Variants in PDIA3 observed in about 807,000 individuals in gnomAD.
The protein encoded by PDIA3 is protein disulfide-isomerase A3.
A neutral mutation model predicts 56.9 loss-of-function variants in PDIA3; 16 were observed. The ratio of observed to expected loss-of-function variants is 0.28; its 90% CI spans 0.19 to 0.43. The LOEUF (loss-of-function observed/expected upper bound fraction) is 0.43. Among genes scored for constraint, PDIA3 ranks in the 20% least tolerant of loss-of-function variants. The pLI, the probability that PDIA3 is intolerant of heterozygous loss-of-function variation, is 1.00. For synonymous variants in PDIA3, 192 were observed against 216.5 expected (o/e 0.89, Z 0.99); for missense variants, 485 against 621.3 (o/e 0.78, Z 2.33).
At chr15:43,750,311 T>G (rs974938884) in intron 1 of PDIA3, among the ~76,000 whole-genome samples, 2 of 150,498 alleles carry the variant, frequency 1.3e-5, no homozygotes, top group African/African-American at 4.9e-5. Flanking sequence ...CCACCGTGCC[T>G]GGCTTAGTGA....
intron 2 of PDIA3, among the ~76,000 whole-genome samples, 160 bp downstream of exon 2, chr15:43,754,062 G>A (rs2086761368): frequency 6.6e-6 from 1 of 152,192 alleles, no homozygotes; most frequent in Non-Finnish European, 1.5e-5. Flanking sequence ...GCGAATACTA[G>A]TTTCTGGGCA....
intron 1 of PDIA3, chr15:43,752,781 AT>A: frequency 2.1e-6 from 1 of 470,994 alleles, no homozygotes; most frequent in Non-Finnish European, 4.4e-6. Flanking sequence ...TTATATTTCT[AT>A]TTTTGCTGTC....
At position 43,770,345 on chromosome 15, in the gene PDIA3, C is replaced by G. The variant is rs1346646837; in HGVS notation, c.1346+16C>G. Reference sequence around the variant, plus strand: ...AAGTCAGAGGGTAAGTGGCTTAAAACTTAACAAAAGTGTCTAGGCAATAGA... The same window carrying G: ...AAGTCAGAGGGTAAGTGGCTTAAAAGTTAACAAAAGTGTCTAGGCAATAGA... On this transcript the variant is annotated intron_variant, in intron 11 of 12. Coordinates refer to ENST00000300289, the MANE Select transcript of PDIA3 (RefSeq NM_005313.5). 7.5e-6 allele frequency: 12 copies of G among 1,603,548 alleles called. No homozygotes were observed. The Admixed American group carries it at 2.0e-4, about 27-fold the overall frequency.
At chr15:43,748,035 AG>A (rs1217834402) in intron 1 of PDIA3, among the ~76,000 whole-genome samples, 2 of 152,198 alleles carry the variant, frequency 1.3e-5, no homozygotes, top group Admixed American at 1.3e-4. Flanking sequence ...TCATGCTGTT[AG>A]CTTTGAGGGG....
In PDIA3 at chr15:43,763,190, TATG is replaced by T. The variant is rs1195436997; in HGVS notation, c.592_594del (p.Asp198del). 1 of 1,613,850 alleles carries T rather than the reference TATG, an allele frequency of 6.2e-7. No individual in the cohort carries two copies. Among genetic ancestry groups the T allele is most frequent in the Non-Finnish European group, 8.5e-7 (1 of 1,179,870 alleles). On this transcript the variant is annotated inframe_deletion, in exon 5 of 13. Coordinates refer to ENST00000300289, the MANE Select transcript of PDIA3 (RefSeq NM_005313.5). ...GAATGTTGAGTCTCTGGTGAACGAG[TATG>T]ATGATAATGGAGAGTAAGTGACTGA...
In PDIA3 at chr15:43,770,237, G is replaced by A. The variant is rs757025565; in HGVS notation, c.1267-13G>A. The A allele has an allele frequency of 3.6e-5, 58 of 1,608,318 alleles. No homozygotes were observed. Among genetic ancestry groups the A allele is most frequent in the Non-Finnish European group, 4.8e-5 (56 of 1,174,920 alleles). Reference sequence around the variant, plus strand: ...AACTTGAAATGTAAACATTTAACCTGTTTTATTAACAGCTCAGCAAAGACC... The same window carrying A: ...AACTTGAAATGTAAACATTTAACCTATTTTATTAACAGCTCAGCAAAGACC... On this transcript the variant is annotated splice_polypyrimidine_tract_variant and intron_variant, in intron 10 of 12. Transcript: ENST00000300289.
At chr15:43,759,090 A>G (rs1432604878) in intron 3 of PDIA3, among the ~76,000 whole-genome samples, 1 of 152,188 alleles carries the variant, frequency 6.6e-6, no homozygotes, top group East Asian at 1.9e-4. Context: ...GGAGAGCGAG[A>G]CCATCCTGGC....
chr15:43,754,109 G>A (rs1006677705), intron 2 of PDIA3, among the ~76,000 whole-genome samples: 2 of 152,152 alleles, frequency 1.3e-5, no homozygotes, highest in Non-Finnish European at 2.9e-5. Flanking sequence ...AAGATTAAAA[G>A]TAGTGGCTGG....
At chr15:43,757,213 C>T (rs2086783777) in intron 3 of PDIA3, among the ~76,000 whole-genome samples, 1 of 151,064 alleles carries the variant, frequency 6.6e-6, no homozygotes, top group Non-Finnish European at 1.5e-5. Flanking sequence ...AGGTGAGAGA[C>T]TGTCTTGAGC....
At chr15:43,747,960 G>A (rs1218963921) in intron 1 of PDIA3, among the ~76,000 whole-genome samples, 2 of 152,166 alleles carry the variant, frequency 1.3e-5, no homozygotes. Context: ...TACACATATA[G>A]ATAGTTCTTA....
intron 2 of PDIA3, among the ~76,000 whole-genome samples, 186 bp from the exon 3 acceptor site, chr15:43,756,463 C>G (rs1002110527): frequency 1.3e-5 from 2 of 152,166 alleles, no homozygotes; most frequent in African/African-American, 4.8e-5. Flanking sequence ...TTAAAGAATT[C>G]CTTAGGCAGT....
Position 43,771,378 on chromosome 15 carries a change from T to G in PDIA3, c.*160T>G. The G allele has an allele frequency of 2.0e-6, 1 of 509,928 alleles. No individual in the cohort carries two copies. The highest frequency in any genetic ancestry group is 3.4e-6 in the Non-Finnish European group (1 of 290,252). 31.6% of individuals were successfully genotyped at this position (509,928 alleles called of 1,614,324 possible). ...GTTAAATTTTCTCTAAACTGTTTCT[T>G]AGCTGCACTGTTTATGGAAATACCA... On this transcript the variant is annotated 3_prime_UTR_variant, in exon 13 of 13. Coordinates refer to ENST00000300289, the MANE Select transcript of PDIA3 (RefSeq NM_005313.5).
In PDIA3 at chr15:43,761,657, C is replaced by T. The variant is rs533134830; in HGVS notation, c.472+126C>T. 1.2e-5 allele frequency: 7 copies of T among 585,326 alleles called. No homozygotes were observed. The South Asian group carries it at 1.4e-4, about 12-fold the overall frequency. The allele number at this position is 585,326 out of a possible 1,614,324, so 36.3% of individuals were successfully genotyped here. Reference sequence around the variant, plus strand: ...TTGGGGCAGTTGAGAAGGCAACTGACAGAATTGGGTCAGCAATTACTATAA... The same window carrying T: ...TTGGGGCAGTTGAGAAGGCAACTGATAGAATTGGGTCAGCAATTACTATAA... On this transcript the variant is annotated intron_variant, in intron 4 of 12. Transcript: ENST00000300289.
intron 1 of PDIA3, among the ~76,000 whole-genome samples, chr15:43,750,572 G>A (rs901145234): frequency 1.4e-5 from 2 of 146,368 alleles, no homozygotes; most frequent in Non-Finnish European, 1.5e-5. Flanking sequence ...TCAAGAGATC[G>A]AGACCATCCT....
rs2086878960 is a variant in PDIA3 at position 43,771,076 on chromosome 15, C to T, written c.1405-29C>T. 4.1e-6 allele frequency: 6 copies of T among 1,481,248 alleles called. 1 individual carries two copies. In the South Asian group the frequency reaches 5.8e-5, roughly 14 times the overall value. The allele number at this position is 1,481,248 out of a possible 1,614,324, so 91.8% of individuals were successfully genotyped here. A position where few individuals can be genotyped will look rare whatever the true frequency, so the allele number is the denominator to read the frequency against. On this transcript the variant is annotated intron_variant, in intron 12 of 12. Coordinates refer to ENST00000300289, the MANE Select transcript of PDIA3 (RefSeq NM_005313.5). The stretch of plus-strand genomic sequence containing the variant: ...CAGATCAGGGTTCTTTAAAAAGTTA[C>T]ACTTTTAAGCTGATCTTTCTGTTTT...
In PDIA3 at chr15:43,761,464, T is replaced by C. The variant is rs201421563; in HGVS notation, c.405T>C (p.Ala135=). ...ACTTGAAGAAGCAGGCAGGACCAGC[T>C]TCAGTGCCTCTCAGGACTGAGGAAG... ...VSHLKKQAGP[A]SVPLRTEEEF... is the part of the protein sequence containing the mutation. Residue 135 remains alanine, a synonymous_variant, in exon 4 of 13, where the codon GCT becomes GCC. Transcript: ENST00000300289. 4.4e-5 allele frequency: 71 copies of C among 1,608,456 alleles called. 1 individual carries two copies. The highest frequency in any genetic ancestry group is 5.2e-5 in the Non-Finnish European group (61 of 1,175,690).
chr15:43,767,769 CAAAAA>C (rs11294471), intron 8 of PDIA3, among the ~76,000 whole-genome samples: 3 of 73,464 alleles, frequency 4.1e-5, no homozygotes, highest in African/African-American at 1.6e-4. Context: ...GACTCTGTCT[CAAAAA>C]AAAAAAAAAA....
At chr15:43,749,281 C>T (rs551356499) in intron 1 of PDIA3, among the ~76,000 whole-genome samples, 4 of 151,924 alleles carry the variant, frequency 2.6e-5, no homozygotes, top group South Asian at 4.2e-4. Flanking sequence ...TTAGTAGAGA[C>T]GGGGTTTCAC....
At chr15:43,760,349 C>T (rs113670574) in intron 3 of PDIA3, among the ~76,000 whole-genome samples, 1,585 of 151,580 alleles carry the variant, frequency 0.01, 22 homozygotes, top group African/African-American at 0.036. Flanking sequence ...AATGATCATG[C>T]CGCTGGACCC....
Sources: gnomAD v4.1 joint callset for allele counts (sites outside exome capture counted in the v4.1 genomes callset) on GRCh38, gnomAD v4.1.1 for gene constraint, MANE v1.5 for transcripts, NCBI Gene and HGNC (gene_info 2026-07-23, HGNC 2026-07-21) for gene names.